The following LAMC1 variants were observed in gnomAD, a reference collection of about 807,000 sequenced individuals.
The protein encoded by LAMC1 is laminin subunit gamma 1.
A neutral mutation model predicts 173.6 loss-of-function variants in LAMC1; 38 were observed. The ratio of observed to expected loss-of-function variants is 0.22; its 90% CI spans 0.17 to 0.29. LAMC1 has a LOEUF of 0.29. Among genes scored for constraint, LAMC1 ranks in the 10% least tolerant of loss-of-function variants. The pLI is 1.00. For synonymous variants in LAMC1, 746 were observed against 749.1 expected (o/e 1.00, Z 0.07); for missense variants, 1,824 against 2,051.8 (o/e 0.89, Z 2.14).
chr1:183,142,648 A>G lies in LAMC1; in HGVS notation c.4688A>G (p.Asn1563Ser), dbSNP rs771130154. The change falls in exon 28 of 28, where the codon AAT becomes AGT. Residue 1563 changes from asparagine to serine, a missense_variant. Physicochemically the swap from Asn to Ser is conservative, Grantham distance 46. Transcript: ENST00000258341. ...DLDRKVSDLENEAKKQEAAIM... is the reference protein window; with the variant it reads ...DLDRKVSDLESEAKKQEAAIM... Reference sequence around the variant, plus strand: ...GATAGGAAAGTGTCTGACCTGGAGAATGAAGCCAAGAAGCAGGAGGCTGCC... The same window carrying G: ...GATAGGAAAGTGTCTGACCTGGAGAGTGAAGCCAAGAAGCAGGAGGCTGCC... 2.4e-5 allele frequency: 39 copies of G among 1,614,050 alleles called. 1 individual carries two copies. The South Asian group carries it at 3.6e-4, about 15-fold the overall frequency.
intron 1 of LAMC1, among the ~76,000 whole-genome samples, chr1:183,073,075 G>T (rs1488843569): frequency 1.3e-5 from 2 of 152,322 alleles, no homozygotes; most frequent in East Asian, 3.9e-4. Flanking sequence ...GTGCCAAAAA[G>T]GTTGGGGACT....
intron 10 of LAMC1, 110 bp downstream of exon 10, chr1:183,117,833 A>G: frequency 9.9e-7 from 1 of 1,005,992 alleles, no homozygotes; most frequent in South Asian, 1.7e-5. Context: ...CTTCTGGGTT[A>G]TTGTGGTGAT....
intron 1 of LAMC1, among the ~76,000 whole-genome samples, chr1:183,068,542 A>G (rs1384622411): frequency 4.6e-5 from 7 of 152,202 alleles, no homozygotes. Flanking sequence ...TTTCCTCACA[A>G]GAACTCTATG....
chr1:183,071,787 C>T (rs538116200), intron 1 of LAMC1, among the ~76,000 whole-genome samples: 1 of 152,166 alleles, frequency 6.6e-6, no homozygotes, highest in Non-Finnish European at 1.5e-5. Flanking sequence ...CTTAAGTTCC[C>T]AAACACAAGA....
intron 14 of LAMC1, 85 bp downstream of exon 14, chr1:183,124,961 T>C: frequency 6.6e-7 from 1 of 1,508,870 alleles, no homozygotes; most frequent in South Asian, 1.3e-5. Context: ...ATATGTATAG[T>C]TGTTTAGTCC....
intron 1 of LAMC1, among the ~76,000 whole-genome samples, chr1:183,096,269 G>A (rs904321578): frequency 4.6e-5 from 7 of 152,040 alleles, no homozygotes; most frequent in South Asian, 4.2e-4. Flanking sequence ...TAGAGATTAC[G>A]GATTTATCTT....
chr1:183,125,625 T>C, intron 15 of LAMC1, 75 bp downstream of exon 15: 2 of 1,142,982 alleles, frequency 1.7e-6, no homozygotes, highest in Non-Finnish European at 2.5e-6. Flanking sequence ...ATAAGTACAT[T>C]TAATAATTGA....
At chr1:183,087,850 G>A (rs907808186) in intron 1 of LAMC1, among the ~76,000 whole-genome samples, 1 of 141,010 alleles carries the variant, frequency 7.1e-6, no homozygotes, top group Admixed American at 7.2e-5. Flanking sequence ...TTTTGCTCTT[G>A]TTGCCCAGGC....
chr1:183,050,335 G>A (rs544137804), intron 1 of LAMC1, among the ~76,000 whole-genome samples: 9 of 135,494 alleles, frequency 6.6e-5, no homozygotes, highest in African/African-American at 2.3e-4. Flanking sequence ...AGGCTGGAAT[G>A]CAGTGGCGTG....
chr1:183,046,349 GT>G (rs533265123), intron 1 of LAMC1, among the ~76,000 whole-genome samples: 1 of 152,002 alleles, frequency 6.6e-6, no homozygotes, highest in Non-Finnish European at 1.5e-5. Context: ...TTAGAATCAG[GT>G]TGTCAAGTTC....
intron 13 of LAMC1, 55 bp downstream of exon 13, chr1:183,122,306 G>C: frequency 6.5e-7 from 1 of 1,532,926 alleles, no homozygotes; most frequent in Non-Finnish European, 9.0e-7. Flanking sequence ...AAAGACCTAG[G>C]GGAAAGGGGC....
At chr1:183,082,093 A>G (rs1236200313) in intron 1 of LAMC1, among the ~76,000 whole-genome samples, 4 of 152,212 alleles carry the variant, frequency 2.6e-5, no homozygotes, top group Non-Finnish European at 4.4e-5. Context: ...TCACTGGATA[A>G]TATTCCATTG....
rs1402648122 is a variant in LAMC1, at chr1:183,144,082, TG to T, written c.*1293del. On this transcript the variant is annotated 3_prime_UTR_variant, in exon 28 of 28. Transcript: ENST00000258341. Reference sequence around the variant, plus strand: ...GTTTCCTAGTGGGCTTCTCAACTTTTGATCCTCAGCTCTGTGGTTTTAAGAC... The same window carrying T: ...GTTTCCTAGTGGGCTTCTCAACTTTTATCCTCAGCTCTGTGGTTTTAAGAC... 2.6e-5 allele frequency: 4 copies of T among 152,570 alleles called. No individual in the cohort carries two copies. The highest frequency in any genetic ancestry group is 4.4e-5 in the Non-Finnish European group (3 of 68,040). The allele number at this position is 152,570 out of a possible 1,614,324, so 9.5% of individuals were successfully genotyped here. A position where few individuals can be genotyped will look rare whatever the true frequency, so the allele number is the denominator to read the frequency against.
In LAMC1 at chr1:183,024,041, T is replaced by A. The variant is rs1301204972; in HGVS notation, c.325T>A (p.Tyr109Asn). Residue 109 changes from tyrosine to asparagine, a missense_variant, in exon 1 of 28, where the codon TAC becomes AAC. Transcript: ENST00000258341. ...LQHGAAFLTD[Y>N]NNQADTTWWQ... ...GCACGGGGCAGCCTTCCTGACCGAC[T>A]ACAACAACCAGGCCGACACCACCTG... The A allele has an allele frequency of 1.2e-6, 2 of 1,612,682 alleles. No individual in the cohort carries two copies.
chr1:183,116,688 T>C lies in LAMC1; in HGVS notation c.1427+13T>C. ...TCAATTGTGAAAGGTAGTGCATTCT[T>C]TCTCTAGCTGCATTGTGTTTTCTGT... On this transcript the variant is annotated intron_variant, in intron 7 of 27. Transcript: ENST00000258341. 6.2e-7 allele frequency: 1 copy of C among 1,610,042 alleles called. No individual in the cohort carries two copies. Among genetic ancestry groups the C allele is most frequent in the East Asian group, 2.2e-5 (1 of 44,848 alleles).
At chr1:183,076,827 C>A (rs538457529) in intron 1 of LAMC1, among the ~76,000 whole-genome samples, 31 of 152,218 alleles carry the variant, frequency 2.0e-4, no homozygotes, top group African/African-American at 7.5e-4. Flanking sequence ...CACTGGCACT[C>A]AAAACATTTG....
chr1:183,024,091 C>G lies in LAMC1; in HGVS notation c.375C>G (p.Ala125=). 1 of 1,608,276 alleles carries G rather than the reference C, an allele frequency of 6.2e-7. No homozygotes were observed. The highest frequency in any genetic ancestry group is 8.5e-7 in the Non-Finnish European group (1 of 1,177,728). Residue 125 remains alanine, a synonymous_variant, in exon 1 of 28, where the codon GCC becomes GCG. Transcript: ENST00000258341. The stretch of plus-strand genomic sequence containing the variant: ...GGTGGCAAAGCCAGACCATGCTGGC[C>G]GGGGTGCAGTACCCCAGCTCCATCA... ...TTWWQSQTML[A]GVQYPSSINL...
intron 1 of LAMC1, among the ~76,000 whole-genome samples, chr1:183,066,009 G>T (rs1167870680): frequency 1.3e-5 from 2 of 152,144 alleles, no homozygotes; most frequent in Non-Finnish European, 2.9e-5. Context: ...TGAAGTGACT[G>T]GCATATAGTG....
intron 8 of LAMC1, 88 bp from the exon 9 acceptor site, chr1:183,117,232 G>A: frequency 7.2e-7 from 1 of 1,396,176 alleles, no homozygotes; most frequent in Admixed American, 2.1e-5. Context: ...TACAAGGTGT[G>A]GTCTTACACA....
Sources: gnomAD v4.1 joint callset for allele counts (sites outside exome capture counted in the v4.1 genomes callset) on GRCh38, gnomAD v4.1.1 for gene constraint, MANE v1.5 for transcripts, NCBI Gene and HGNC (gene_info 2026-07-23, HGNC 2026-07-21) for gene names.